RPTOR: variants seen among roughly 807,000 people sequenced by gnomAD.
RPTOR encodes regulatory-associated protein of mTOR.
RPTOR carries 21 observed loss-of-function variants against 169.9 expected under a neutral mutation model. The observed-to-expected ratio is 0.12, with a 90% CI of 0.09 to 0.18. The LOEUF is 0.18. Ranked by LOEUF, RPTOR falls within the 10% of genes least tolerant of loss-of-function variation. The pLI, the probability that RPTOR is intolerant of heterozygous loss-of-function variation, is 1.00. For synonymous variants in RPTOR, 732 were observed against 753.2 expected (o/e 0.97, Z 0.46); for missense variants, 1,133 against 1,855.9 (o/e 0.61, Z 7.16).
chr17:80,850,412 G>T (rs962089333), intron 11 of RPTOR, among the ~76,000 whole-genome samples: 4 of 152,230 alleles, frequency 2.6e-5, no homozygotes, highest in Non-Finnish European at 5.9e-5. Flanking sequence ...TGGCTGAGTA[G>T]TATTCCATGA....
At chr17:80,871,129 G>A (rs952218385) in intron 13 of RPTOR, among the ~76,000 whole-genome samples, 28 of 152,032 alleles carry the variant, frequency 1.8e-4, no homozygotes, top group African/African-American at 5.1e-4. Flanking sequence ...CGTTTGAGAC[G>A]GAGTCTCACT....
chr17:80,735,473 GC>G (rs2066426699), intron 5 of RPTOR, among the ~76,000 whole-genome samples: 1 of 152,190 alleles, frequency 6.6e-6, no homozygotes, highest in Admixed American at 6.5e-5. Context: ...TAAATCCTTA[GC>G]CTGTAAACTA....
In RPTOR at chr17:80,883,492, C is replaced by G; in HGVS notation, c.1650+8C>G. Reference sequence around the variant, plus strand: ...AGCTATCACACGGGGCAGGTGAGCCCCCCAGCCACCCCCAGCCCCAGAGCT... The same window carrying G: ...AGCTATCACACGGGGCAGGTGAGCCGCCCAGCCACCCCCAGCCCCAGAGCT... On this transcript the variant is annotated splice_region_variant and intron_variant, in intron 15 of 33. Transcript: ENST00000306801. 6.2e-7 allele frequency: 1 copy of G among 1,613,076 alleles called. No individual in the cohort carries two copies. The highest frequency in any genetic ancestry group is 8.5e-7 in the Non-Finnish European group (1 of 1,179,206).
chr17:80,677,401 T>A (rs1184578973), intron 3 of RPTOR, among the ~76,000 whole-genome samples: 1 of 152,214 alleles, frequency 6.6e-6, no homozygotes. Flanking sequence ...GATTTTGGCC[T>A]GCTTAAAGCA....
At chr17:80,606,792 T>A (rs1375585404) in intron 1 of RPTOR, among the ~76,000 whole-genome samples, 2 of 152,030 alleles carry the variant, frequency 1.3e-5, no homozygotes, top group African/African-American at 4.8e-5. Context: ...CATCCATCCA[T>A]CCATCCATCC....
At chr17:80,662,137 C>T (rs940902311) in intron 3 of RPTOR, among the ~76,000 whole-genome samples, 9 of 152,150 alleles carry the variant, frequency 5.9e-5, no homozygotes, top group Admixed American at 3.3e-4. Flanking sequence ...CTTAATCACA[C>T]TCAAAGCAAG....
intron 7 of RPTOR, among the ~76,000 whole-genome samples, chr17:80,814,448 A>C (rs2067304080): frequency 1.3e-5 from 2 of 152,082 alleles, no homozygotes; most frequent in Non-Finnish European, 2.9e-5. Flanking sequence ...TGGCCACCAG[A>C]GCGTTTCACG....
chr17:80,893,315 G>GGT (rs2068351749), intron 19 of RPTOR, among the ~76,000 whole-genome samples: 2 of 145,378 alleles, frequency 1.4e-5, no homozygotes, highest in Admixed American at 1.4e-4. Context: ...GTGTGCGCCA[G>GGT]GTGTGTGCGC....
chr17:80,889,858 T>TACGCAGCAGG (rs2068295866), intron 17 of RPTOR, among the ~76,000 whole-genome samples: 1 of 117,412 alleles, frequency 8.5e-6, no homozygotes, highest in Non-Finnish European at 1.9e-5. Flanking sequence ...GAGGCCCCCG[T>TACGCAGCAGG]ATGCAGCAGG....
chr17:80,773,931 A>G, intron 6 of RPTOR: 1 of 984,182 alleles, frequency 1.0e-6, no homozygotes, highest in Non-Finnish European at 1.2e-6. Flanking sequence ...ACGCAGGGCT[A>G]TGCGGCCTGC....
rs947755158 is a variant in RPTOR at position 80,860,677 on chromosome 17, G to A, written c.1509+2777G>A. On this transcript the variant is annotated intron_variant, in intron 13 of 33. Transcript: ENST00000306801. This position sits in a 1 kb window ranked among gnomAD's most constrained non-coding sequence, Gnocchi z 5.8. ...CACCAGTTGACCTCTCGCTGGTTCC[G>A]CTGATTCTTGTAGATTCCCTGGGAT... is the stretch of plus-strand genomic sequence containing the variant. Among the ~76,000 whole-genome samples, 4 of 152,070 alleles carry A rather than the reference G, an allele frequency of 2.6e-5. No individual in the cohort carries two copies. The highest frequency in any genetic ancestry group is 5.9e-5 in the Non-Finnish European group (4 of 68,032).
chr17:80,841,144 ACT>A (rs1168222446), intron 10 of RPTOR, among the ~76,000 whole-genome samples: 1 of 109,492 alleles, frequency 9.1e-6, no homozygotes, highest in South Asian at 3.2e-4. Flanking sequence ...ACGGCAGCTC[ACT>A]CTCACCGCAC....
At chr17:80,963,805 ACCCCG>A (rs2144108369) in intron 33 of RPTOR, among the ~76,000 whole-genome samples, 1 of 98,326 alleles carries the variant, frequency 1.0e-5, no homozygotes, top group East Asian at 2.7e-4. Context: ...TGCGGCCCTC[ACCCCG>A]TCCGCTGTGC....
At chr17:80,694,304 C>A (rs1485639867) in intron 3 of RPTOR, among the ~76,000 whole-genome samples, 1 of 152,226 alleles carries the variant, frequency 6.6e-6, no homozygotes, top group Non-Finnish European at 1.5e-5. Context: ...CATGCCCGGG[C>A]ATGGCCCTCG....
intron 16 of RPTOR, among the ~76,000 whole-genome samples, chr17:80,884,447 A>G (rs1011215819): frequency 6.6e-6 from 1 of 152,174 alleles, no homozygotes; most frequent in Non-Finnish European, 1.5e-5. Flanking sequence ...CGGCCTGTGC[A>G]GTGCACAGGG....
chr17:80,619,179 C>T (rs2065336580), intron 1 of RPTOR, among the ~76,000 whole-genome samples: 1 of 152,092 alleles, frequency 6.6e-6, no homozygotes, highest in African/African-American at 2.4e-5. Context: ...CCTGTGTGGC[C>T]AGCCCCAGTC....
intron 3 of RPTOR, among the ~76,000 whole-genome samples, chr17:80,703,823 A>G (rs1289947650): frequency 1.3e-5 from 2 of 152,214 alleles, no homozygotes; most frequent in Non-Finnish European, 2.9e-5. Flanking sequence ...TTTAAAAAGC[A>G]CTTTCATTAA....
rs895350365 is a variant in RPTOR at position 80,746,158 on chromosome 17, A to G, written c.655-7852A>G. On this transcript the variant is annotated intron_variant, in intron 5 of 33. Transcript: ENST00000306801. This position sits in a 1 kb window ranked among gnomAD's most constrained non-coding sequence, Gnocchi z 4.5. ...GCCTGGGTGACAAGAGCAAACCTCC[A>G]TCTCAAAAAAAAAAAAAAAAGTGCA... Among the ~76,000 whole-genome samples, 1 of 98,968 alleles carries G rather than the reference A, an allele frequency of 1.0e-5. No homozygotes were observed. The highest frequency in any genetic ancestry group is 2.3e-5 in the Non-Finnish European group (1 of 43,138). 64.9% of individuals were successfully genotyped at this position (98,968 alleles called of 152,430 possible). A position where few individuals can be genotyped will look rare whatever the true frequency, so the allele number is the denominator to read the frequency against.
At chr17:80,691,401 C>T (rs182093796) in intron 3 of RPTOR, among the ~76,000 whole-genome samples, 25 of 150,274 alleles carry the variant, frequency 1.7e-4, no homozygotes, top group African/African-American at 5.9e-4. Flanking sequence ...CTCACTGCAT[C>T]TCTCAAAGGT....
Sources: gnomAD v4.1 joint callset for allele counts (sites outside exome capture counted in the v4.1 genomes callset) on GRCh38, gnomAD v4.1.1 for gene constraint, Gnocchi (gnomAD v3.1) non-coding constraint, MANE v1.5 for transcripts, NCBI Gene and HGNC (gene_info 2026-07-23, HGNC 2026-07-21) for gene names.